The following TMEM217B variants were observed in gnomAD, a reference collection of about 807,000 sequenced individuals.
TMEM217B encodes the protein putative transmembrane protein 217B.
the TMEM217B span, among the ~76,000 whole-genome samples, chr6:37,238,583 A>G: frequency 6.6e-6 from 1 of 152,176 alleles, no homozygotes; most frequent in Non-Finnish European, 1.5e-5. Context: ...TGGAAGATCT[A>G]GGAAGACTTT....
the TMEM217B span, among the ~76,000 whole-genome samples, chr6:37,236,255 T>C: frequency 6.6e-6 from 1 of 152,176 alleles, no homozygotes; most frequent in Non-Finnish European, 1.5e-5. Context: ...CCACGAGTGC[T>C]AGGATTACAG....
the TMEM217B span, among the ~76,000 whole-genome samples, chr6:37,221,297 G>T: frequency 2.0e-5 from 3 of 151,326 alleles, no homozygotes; most frequent in Non-Finnish European, 4.4e-5. Context: ...AGCGATTCTC[G>T]TGCCTCAGCC....
At chr6:37,218,986 G>A in the TMEM217B span, 41 of 1,614,140 alleles carry the variant, frequency 2.5e-5, no homozygotes, top group African/African-American at 9.3e-5. Context: ...CTGACAACAC[G>A]GTGCCCATTT....
At chr6:37,248,709 G>T in the TMEM217B span, among the ~76,000 whole-genome samples, 6 of 152,188 alleles carry the variant, frequency 3.9e-5, no homozygotes, top group Non-Finnish European at 7.3e-5. Context: ...CAAGGAACTG[G>T]CAACAGTGGT....
At chr6:37,215,999 GT>G in the TMEM217B span, among the ~76,000 whole-genome samples, 1 of 16,406 alleles carries the variant, frequency 6.1e-5, no homozygotes, top group Non-Finnish European at 1.2e-4. Context: ...TTCAGGGTGT[GT>G]GTGTGTGTGT....
At chr6:37,212,977 T>C in the TMEM217B span, 54 of 1,543,968 alleles carry the variant, frequency 3.5e-5, no homozygotes, top group Non-Finnish European at 4.6e-5. Context: ...CATTTTATAC[T>C]TGTTTTACCA....
At chr6:37,223,178 A>G in the TMEM217B span, among the ~76,000 whole-genome samples, 1 of 152,202 alleles carries the variant, frequency 6.6e-6, no homozygotes, top group Non-Finnish European at 1.5e-5. Flanking sequence ...GAGAGATGAG[A>G]CAAAATGGGG....
At chr6:37,212,837 T>C in the TMEM217B span, 5 of 1,132,016 alleles carry the variant, frequency 4.4e-6, no homozygotes, top group Admixed American at 9.9e-5. Flanking sequence ...AGCTCCGACT[T>C]TGAGTCCACG....
the TMEM217B span, chr6:37,257,804 C>T: frequency 2.6e-6 from 3 of 1,158,640 alleles, no homozygotes; most frequent in Non-Finnish European, 3.7e-6. Context: ...GAGCTGGGAG[C>T]GGGTGACCGG....
chr6:37,214,718 A>T, the TMEM217B span, among the ~76,000 whole-genome samples: 2 of 152,212 alleles, frequency 1.3e-5, no homozygotes, highest in East Asian at 1.9e-4. Flanking sequence ...TTCACTTAGC[A>T]TAATGTTTTC....
the TMEM217B span, among the ~76,000 whole-genome samples, chr6:37,232,164 G>A: frequency 1.3e-5 from 2 of 152,136 alleles, no homozygotes; most frequent in Non-Finnish European, 2.9e-5. Context: ...TTTGATTAAT[G>A]GGTACAAAAG....
the TMEM217B span, among the ~76,000 whole-genome samples, chr6:37,241,452 C>CT: frequency 6.6e-6 from 1 of 152,144 alleles, no homozygotes; most frequent in Non-Finnish European, 1.5e-5. Flanking sequence ...ACCCTGAGCA[C>CT]TAGGGATTCT....
chr6:37,225,740 G>T, the TMEM217B span, among the ~76,000 whole-genome samples: 1 of 152,116 alleles, frequency 6.6e-6, no homozygotes, highest in Non-Finnish European at 1.5e-5. Context: ...CTAGACACAT[G>T]GCCACCCAGC....
At chr6:37,216,032 T>TGA in the TMEM217B span, among the ~76,000 whole-genome samples, 760 of 138,558 alleles carry the variant, frequency 5.5e-3, 13 homozygotes, top group African/African-American at 0.016. Context: ...TGTGTGTGTG[T>TGA]GAGAAACAGA....
the TMEM217B span, among the ~76,000 whole-genome samples, chr6:37,215,525 C>T: frequency 1.7e-5 from 2 of 118,954 alleles, no homozygotes; most frequent in Non-Finnish European, 3.2e-5. Flanking sequence ...GAGCTGATAT[C>T]ACACCACTGT....
the TMEM217B span, among the ~76,000 whole-genome samples, chr6:37,245,620 G>A: frequency 1.3e-5 from 2 of 152,152 alleles, no homozygotes; most frequent in Admixed American, 1.3e-4. Flanking sequence ...TTCTCCGTAT[G>A]TGGGAAAGGG....
the TMEM217B span, among the ~76,000 whole-genome samples, chr6:37,215,460 G>A: frequency 6.6e-6 from 1 of 150,846 alleles, no homozygotes; most frequent in Non-Finnish European, 1.5e-5. Context: ...CAACTACCTG[G>A]GAGGCTGAGG....
At chr6:37,247,791 G>A in the TMEM217B span, among the ~76,000 whole-genome samples, 1 of 152,286 alleles carries the variant, frequency 6.6e-6, no homozygotes, top group African/African-American at 2.4e-5. Context: ...GAAGGAGCTT[G>A]GGTGTTTACC....
At chr6:37,218,524 AATTCG>A in the TMEM217B span, 1 of 1,614,110 alleles carries the variant, frequency 6.2e-7, no homozygotes, top group Non-Finnish European at 8.5e-7. Context: ...CCGCTGTAGA[AATTCG>A]TCTCTTGTAG....
Sources: gnomAD v4.1 joint callset for allele counts (sites outside exome capture counted in the v4.1 genomes callset) on GRCh38, gnomAD v4.1.1 for gene constraint, MANE v1.5 for transcripts, NCBI Gene and HGNC (gene_info 2026-07-23, HGNC 2026-07-21) for gene names.